NAA25: variants seen among roughly 807,000 people sequenced by gnomAD.
The protein encoded by NAA25 is N-terminal acetyltransferase B complex subunit NAA25.
NAA25 carries 30 observed loss-of-function variants against 132.5 expected under a neutral mutation model. The ratio of observed to expected loss-of-function variants is 0.23; its 90% CI spans 0.17 to 0.31. NAA25 has a LOEUF of 0.31. NAA25 is among the 10% of genes least tolerant of loss of function. NAA25 has a pLI of 1.00. For synonymous variants in NAA25, 359 were observed against 401.9 expected (o/e 0.89, Z 1.28); for missense variants, 771 against 1,150.4 (o/e 0.67, Z 4.77).
intron 6 of NAA25, 71 bp downstream of exon 6, chr12:112,078,563 T>C (rs935629705): frequency 5.3e-6 from 7 of 1,323,268 alleles, no homozygotes; most frequent in Non-Finnish European, 7.5e-6. Context: ...CAACAGTTCA[T>C]AGTATTATAA....
At chr12:112,056,151 T>C (rs2078541627) in intron 13 of NAA25, among the ~76,000 whole-genome samples, 1 of 152,032 alleles carries the variant, frequency 6.6e-6, no homozygotes, top group Admixed American at 6.6e-5. Flanking sequence ...CTGGCCAACA[T>C]GGTAAAACCT....
intron 17 of NAA25, among the ~76,000 whole-genome samples, chr12:112,047,032 T>G (rs1566002687): frequency 6.6e-6 from 1 of 152,178 alleles, no homozygotes; most frequent in Non-Finnish European, 1.5e-5. Context: ...GCATACAGTC[T>G]TTAATCGATC....
At chr12:112,072,136 A>C in intron 9 of NAA25, 72 bp from the exon 10 acceptor site, 1 of 1,295,620 alleles carries the variant, frequency 7.7e-7, no homozygotes, top group Non-Finnish European at 1.1e-6. Context: ...GTCAAGCCAA[A>C]CTCATTTAAA....
chr12:112,061,868 T>C (rs2078635170), intron 11 of NAA25, among the ~76,000 whole-genome samples: 1 of 152,208 alleles, frequency 6.6e-6, no homozygotes, highest in African/African-American at 2.4e-5. Flanking sequence ...CCTACATTTT[T>C]CTTAATTGAA....
chr12:112,045,566 G>A (rs868150233), intron 17 of NAA25, among the ~76,000 whole-genome samples: 1 of 151,812 alleles, frequency 6.6e-6, no homozygotes, highest in Non-Finnish European at 1.5e-5. Context: ...TGGCCCAGAT[G>A]GGGGGATCAA....
chr12:112,100,810 G>A lies in NAA25; in HGVS notation c.59-7674C>T, dbSNP rs1361795791. Among the ~76,000 whole-genome samples the A allele has an allele frequency of 6.6e-5, 10 of 151,140 alleles. 1 individual carries two copies. Among genetic ancestry groups the A allele is most frequent in the East Asian group, 2.0e-4 (1 of 5,056 alleles). On this transcript the variant is annotated intron_variant, in intron 1 of 23. Coordinates refer to ENST00000261745, the MANE Select transcript of NAA25 (RefSeq NM_024953.4). ...AATTTTTTGTATTTTTAGTGGAGACGGGGTTTCACCGTGTTACCAGGATAG... is the reference window on the plus strand; with the variant it reads ...AATTTTTTGTATTTTTAGTGGAGACAGGGTTTCACCGTGTTACCAGGATAG...
chr12:112,075,297 T>C (rs537383297), intron 8 of NAA25, among the ~76,000 whole-genome samples: 2 of 152,192 alleles, frequency 1.3e-5, no homozygotes, highest in Admixed American at 1.3e-4. Flanking sequence ...CAAGCGATTC[T>C]TGTGCCTCAG....
chr12:112,078,795 A>G (rs1324876035), intron 5 of NAA25, 54 bp from the exon 6 acceptor site: 2 of 1,385,422 alleles, frequency 1.4e-6, no homozygotes, highest in Non-Finnish European at 2.0e-6. Flanking sequence ...TGCACTATTG[A>G]TATTAACATT....
At chr12:112,057,969 G>A (rs1258291384) in intron 13 of NAA25, among the ~76,000 whole-genome samples, 1 of 151,984 alleles carries the variant, frequency 6.6e-6, no homozygotes, top group Non-Finnish European at 1.5e-5. Context: ...GACAGAGCGA[G>A]ACTTTGTCTC....
chr12:112,094,844 G>A (rs1481344915), intron 1 of NAA25, among the ~76,000 whole-genome samples: 1 of 152,026 alleles, frequency 6.6e-6, no homozygotes, highest in Non-Finnish European at 1.5e-5. Context: ...ATTTTTACTA[G>A]AGATGAGGTT....
intron 13 of NAA25, among the ~76,000 whole-genome samples, chr12:112,057,118 G>A (rs937940489): frequency 3.3e-5 from 5 of 152,096 alleles, no homozygotes; most frequent in African/African-American, 1.2e-4. Context: ...AACTTGGGAC[G>A]CAGAGGTTGC....
intron 22 of NAA25, chr12:112,033,598 T>TA (rs5800936): frequency 4.4e-4 from 138 of 313,740 alleles, no homozygotes; most frequent in Non-Finnish European, 4.9e-4. Flanking sequence ...AATACTTAAA[T>TA]AAAAAAAAAT....
chr12:112,073,243 C>A (rs1181263337), intron 9 of NAA25, among the ~76,000 whole-genome samples: 2 of 148,284 alleles, frequency 1.3e-5, no homozygotes, highest in African/African-American at 2.5e-5. Flanking sequence ...TCAAAAAAAA[C>A]AAAAATTAAA....
intron 11 of NAA25, among the ~76,000 whole-genome samples, chr12:112,066,370 T>C (rs1022461082): frequency 1.3e-5 from 2 of 152,226 alleles, no homozygotes; most frequent in African/African-American, 4.8e-5. Context: ...ACCTGGTTTA[T>C]CTACATTCTA....
intron 9 of NAA25, among the ~76,000 whole-genome samples, chr12:112,074,271 G>A (rs1249940582): frequency 1.4e-5 from 2 of 147,952 alleles, no homozygotes; most frequent in Admixed American, 7.0e-5. Context: ...CTTCTGGGAG[G>A]CAGAGGTTGC....
chr12:112,078,207 G>T lies in NAA25; in HGVS notation c.645C>A (p.Val215=). The T allele has an allele frequency of 6.3e-7, 1 of 1,599,866 alleles. No homozygotes were observed. Among genetic ancestry groups the T allele is most frequent in the Non-Finnish European group, 8.5e-7 (1 of 1,173,610 alleles). ...AATTACCTCCTAATTTCCCTCTGAT[G>T]ACATCCAAGGCCTCCTGGTACTTTC... ...RLGKYQEALD[V]IRGKLGEKLT... Residue 215 remains valine, a synonymous_variant, in exon 7 of 24, where the codon GTC becomes GTA. Coordinates refer to ENST00000261745, the MANE Select transcript of NAA25 (RefSeq NM_024953.4).
At chr12:112,105,640 G>A (rs2079352323) in intron 1 of NAA25, among the ~76,000 whole-genome samples, 2 of 152,176 alleles carry the variant, frequency 1.3e-5, no homozygotes, top group African/African-American at 4.8e-5. Flanking sequence ...TCCAGCAAGA[G>A]CTGAGGCCCC....
At chr12:112,099,779 A>G (rs2136943604) in intron 1 of NAA25, among the ~76,000 whole-genome samples, 1 of 152,342 alleles carries the variant, frequency 6.6e-6, no homozygotes, top group South Asian at 2.1e-4. Flanking sequence ...TACTGACAGT[A>G]GGAAAAGTAT....
At chr12:112,041,373 A>G (rs2078299702) in intron 20 of NAA25, among the ~76,000 whole-genome samples, 3 of 152,092 alleles carry the variant, frequency 2.0e-5, no homozygotes, top group South Asian at 4.2e-4. Flanking sequence ...TATTTTTAGT[A>G]GAGACGGGGT....
Sources: gnomAD v4.1 joint callset for allele counts (sites outside exome capture counted in the v4.1 genomes callset) on GRCh38, gnomAD v4.1.1 for gene constraint, MANE v1.5 for transcripts, NCBI Gene and HGNC (gene_info 2026-07-23, HGNC 2026-07-21) for gene names.